Variants in SMYD3 observed in about 807,000 individuals in gnomAD.
SMYD3 encodes SET and MYND domain containing 3, also known as histone-lysine N-methyltransferase SMYD3.
A neutral mutation model predicts 57.7 loss-of-function variants in SMYD3; 36 were observed. The ratio of observed to expected loss-of-function variants is 0.62; its 90% CI spans 0.48 to 0.82. The LOEUF (loss-of-function observed/expected upper bound fraction) is 0.82, where lower values mean the gene tolerates loss of function less well. Ranked by LOEUF, SMYD3 falls within the 40% of genes least tolerant of loss-of-function variation. SMYD3 has a pLI of 0.00. For missense variants in SMYD3, 515 were observed against 538.8 expected, an observed-to-expected ratio of 0.96 and a Z score of 0.44; for synonymous variants, 211 against 195.0, an observed-to-expected ratio of 1.08 and a Z score of -0.68.
intron 5 of SMYD3, among the ~76,000 whole-genome samples, chr1:246,006,408 T>C (rs2059169329): frequency 6.6e-6 from 1 of 152,034 alleles, no homozygotes; most frequent in Non-Finnish European, 1.5e-5. Context: ...TTCCTCTTCC[T>C]ACCAAAGGGG....
intron 5 of SMYD3, among the ~76,000 whole-genome samples, chr1:246,050,227 T>C (rs1454556912): frequency 1.3e-5 from 2 of 152,204 alleles, no homozygotes; most frequent in Admixed American, 6.5e-5. Context: ...ACTGAAGTAG[T>C]AGTGCCAAGA....
intron 1 of SMYD3, among the ~76,000 whole-genome samples, chr1:246,478,898 ACATAAGTGCTCGTATATG>A (rs1412463013): frequency 3.6e-5 from 5 of 139,592 alleles, no homozygotes; most frequent in Non-Finnish European, 7.8e-5. Context: ...TGGAGCTGGT[ACATAAGTGCTCGTATATG>A]TACACCTGTC....
At chr1:246,182,590 G>C (rs1047715948) in intron 5 of SMYD3, among the ~76,000 whole-genome samples, 2 of 152,150 alleles carry the variant, frequency 1.3e-5, no homozygotes, top group African/African-American at 4.8e-5. Flanking sequence ...ACCTGGACCT[G>C]TTCACCAGCC....
intron 1 of SMYD3, among the ~76,000 whole-genome samples, chr1:246,434,534 A>G (rs183648160): frequency 9.2e-5 from 14 of 152,354 alleles, no homozygotes; most frequent in Admixed American, 7.8e-4. Context: ...GCGGCAGACA[A>G]ACATGAAAAA....
At chr1:245,904,838 C>T (rs1274720745) in intron 8 of SMYD3, among the ~76,000 whole-genome samples, 2 of 151,618 alleles carry the variant, frequency 1.3e-5, no homozygotes, top group Non-Finnish European at 2.9e-5. Context: ...GAGACCCCTT[C>T]CTTCTGCTTG....
intron 5 of SMYD3, among the ~76,000 whole-genome samples, chr1:245,938,654 A>C (rs556850438): frequency 6.6e-5 from 10 of 152,282 alleles, no homozygotes; most frequent in African/African-American, 1.9e-4. Context: ...TCTTCCAGAC[A>C]CTTTTATAGA....
intron 1 of SMYD3, among the ~76,000 whole-genome samples, chr1:246,445,341 T>C (rs1009558071): frequency 2.0e-5 from 3 of 152,174 alleles, no homozygotes; most frequent in African/African-American, 7.2e-5. Flanking sequence ...AGAAGGTTTT[T>C]AGGAACACCA....
chr1:245,882,144 A>G (rs2052815860), intron 8 of SMYD3, among the ~76,000 whole-genome samples: 1 of 152,232 alleles, frequency 6.6e-6, no homozygotes, highest in Non-Finnish European at 1.5e-5. Flanking sequence ...AGTAGTGTAA[A>G]CAACAGAGAA....
chr1:245,917,168 G>A (rs1265705628), intron 7 of SMYD3, among the ~76,000 whole-genome samples: 3 of 151,958 alleles, frequency 2.0e-5, no homozygotes, highest in East Asian at 1.9e-4. Context: ...GGTAGCTGGG[G>A]CTACAGGCAT....
chr1:245,931,360 C>T (rs973737866), intron 5 of SMYD3, among the ~76,000 whole-genome samples: 4 of 152,140 alleles, frequency 2.6e-5, no homozygotes, highest in African/African-American at 4.8e-5. Flanking sequence ...TTACTTACTG[C>T]GGGACGGCTT....
At chr1:245,952,091 G>T (rs2057674164) in intron 5 of SMYD3, among the ~76,000 whole-genome samples, 1 of 151,328 alleles carries the variant, frequency 6.6e-6, no homozygotes, top group Non-Finnish European at 1.5e-5. Context: ...TCAATGACAG[G>T]AAAAGAAATG....
chr1:246,057,258 T>C (rs1461899386), intron 5 of SMYD3, among the ~76,000 whole-genome samples: 1 of 152,226 alleles, frequency 6.6e-6, no homozygotes, highest in Non-Finnish European at 1.5e-5. Flanking sequence ...TCCTCTTCCA[T>C]ATAGTCTACC....
intron 5 of SMYD3, among the ~76,000 whole-genome samples, chr1:246,298,998 T>C (rs1305348376): frequency 6.6e-6 from 1 of 152,180 alleles, no homozygotes; most frequent in African/African-American, 2.4e-5. Context: ...AGCAGTGTTC[T>C]TGTATAGGGT....
intron 5 of SMYD3, among the ~76,000 whole-genome samples, chr1:246,223,529 A>C (rs567662044): frequency 2.7e-4 from 41 of 152,082 alleles, no homozygotes; most frequent in Non-Finnish European, 5.3e-4. Context: ...AGCACTTTAC[A>C]AAGTATTTGC....
At chr1:246,274,567 T>A (rs1398436458) in intron 5 of SMYD3, among the ~76,000 whole-genome samples, 2 of 152,326 alleles carry the variant, frequency 1.3e-5, no homozygotes, top group Admixed American at 6.5e-5. Context: ...ATAGAACTTT[T>A]AAAAATTCTG....
chr1:246,179,463 T>C (rs1217536593), intron 5 of SMYD3, among the ~76,000 whole-genome samples: 1 of 152,204 alleles, frequency 6.6e-6, no homozygotes, highest in Non-Finnish European at 1.5e-5. Flanking sequence ...TTTTCTCAGA[T>C]TGCCCTCAAT....
intron 5 of SMYD3, among the ~76,000 whole-genome samples, chr1:246,066,903 G>A (rs933204235): frequency 6.6e-6 from 1 of 152,172 alleles, no homozygotes; most frequent in African/African-American, 2.4e-5. Context: ...AATATTTAAG[G>A]CTTACTATCT....
intron 5 of SMYD3, among the ~76,000 whole-genome samples, chr1:246,013,391 G>A (rs2059320985): frequency 6.6e-6 from 1 of 152,038 alleles, no homozygotes; most frequent in Non-Finnish European, 1.5e-5. Flanking sequence ...TGTTGTCCAG[G>A]CTGGTCTCGA....
At chr1:245,920,669 A>G (rs1376306728) in intron 7 of SMYD3, among the ~76,000 whole-genome samples, 2 of 152,226 alleles carry the variant, frequency 1.3e-5, no homozygotes, top group Non-Finnish European at 2.9e-5. Flanking sequence ...TTGCCTACAC[A>G]TAGAAAAGTG....
Sources: gnomAD v4.1 joint callset for allele counts (sites outside exome capture counted in the v4.1 genomes callset) on GRCh38, gnomAD v4.1.1 for gene constraint, MANE v1.5 for transcripts, NCBI Gene and HGNC (gene_info 2026-07-23, HGNC 2026-07-21) for gene names.